The following SEC14L5 variants were observed in gnomAD, a reference collection of about 807,000 sequenced individuals.
The protein encoded by SEC14L5 is SEC14 like lipid binding 5.
In SEC14L5, 96 loss-of-function variants were observed where a neutral mutation model predicts 84.6. The ratio of observed to expected loss-of-function variants is 1.13; its 90% CI spans 0.96 to 1.34. The LOEUF (loss-of-function observed/expected upper bound fraction) is 1.34, where lower values mean the gene tolerates loss of function less well. Ranked by LOEUF, SEC14L5 falls within the 40% of genes most tolerant of loss-of-function variation. The probability of loss-of-function intolerance (pLI) is 0.00; values close to 1 mark genes in which losing one functional copy is unlikely to be tolerated. For missense variants in SEC14L5, 1,224 were observed against 942.5 expected (o/e 1.30, Z -3.91); for synonymous variants, 546 against 383.4 (o/e 1.42, Z -4.95).
At chr16:5,001,133 C>T (rs1409329980) in intron 10 of SEC14L5, among the ~76,000 whole-genome samples, 1 of 152,054 alleles carries the variant, frequency 6.6e-6, no homozygotes, top group Non-Finnish European at 1.5e-5. Context: ...GAATGGTGGC[C>T]CCCATCGAAG....
chr16:4,975,448 G>A (rs532799200), intron 2 of SEC14L5, among the ~76,000 whole-genome samples: 7 of 145,418 alleles, frequency 4.8e-5, no homozygotes, highest in Non-Finnish European at 7.5e-5. Flanking sequence ...ACTCCAGCCC[G>A]GGTGACAGAG....
rs1343669870 is a variant in SEC14L5 at position 5,007,393 on chromosome 16, C to T, written c.1479C>T (p.Tyr493=). ...GAGGGCTGGTCCCCAAGTCCCTCTACATGACAGAAGAGGAGCAGGAGCACA... is the reference window on the plus strand; with the variant it reads ...GAGGGCTGGTCCCCAAGTCCCTCTATATGACAGAAGAGGAGCAGGAGCACA... The part of the protein sequence containing the change: ...PEGGLVPKSL[Y]MTEEEQEHTD... The change falls in exon 13 of 16, where the codon TAC becomes TAT. Residue 493 remains tyrosine, a synonymous_variant. Transcript: ENST00000251170. The T allele has an allele frequency of 1.9e-6, 3 of 1,613,852 alleles. No homozygotes were observed. The highest frequency in any genetic ancestry group is 3.3e-5 in the Admixed American group (2 of 60,020).
At chr16:4,988,701 G>A (rs1026579275) in intron 4 of SEC14L5, among the ~76,000 whole-genome samples, 1 of 152,078 alleles carries the variant, frequency 6.6e-6, no homozygotes, top group Non-Finnish European at 1.5e-5. Flanking sequence ...AGTATGTGGC[G>A]CCTTTAGACC....
At chr16:4,965,420 A>G (rs899030590) in intron 2 of SEC14L5, among the ~76,000 whole-genome samples, 8 of 151,922 alleles carry the variant, frequency 5.3e-5, no homozygotes, top group African/African-American at 1.2e-4. Flanking sequence ...CCAGCACTTT[A>G]GGAGGCCGAG....
intron 10 of SEC14L5, 103 bp downstream of exon 10, chr16:5,001,028 C>A: frequency 1.1e-6 from 1 of 880,960 alleles, no homozygotes; most frequent in Non-Finnish European, 1.8e-6. Flanking sequence ...GTGCCAGGGG[C>A]TTCATTCTCC....
intron 2 of SEC14L5, among the ~76,000 whole-genome samples, chr16:4,984,530 A>G (rs756600794): frequency 1.3e-5 from 2 of 152,044 alleles, no homozygotes; most frequent in East Asian, 3.8e-4. Context: ...TTATGTTTTC[A>G]TTTCTCTTGG....
In SEC14L5 at chr16:5,011,380, T is replaced by G. The variant is rs963608020; in HGVS notation, c.1979+107T>G. The G allele has an allele frequency of 1.1e-5, 13 of 1,169,152 alleles. No individual in the cohort carries two copies. The African/African-American group carries it at 1.7e-4, about 15-fold the overall frequency. 72.4% of individuals were successfully genotyped at this position (1,169,152 alleles called of 1,614,324 possible). ...CCAGCTGGGTCAGCTTCTCCCGGGG[T>G]GGGACCCCAGCATGGGTATGGTTGG... On this transcript the variant is annotated intron_variant, in intron 15 of 15. Coordinates refer to ENST00000251170, the MANE Select transcript of SEC14L5 (RefSeq NM_014692.2).
intron 2 of SEC14L5, among the ~76,000 whole-genome samples, chr16:4,961,603 A>C (rs1955122037): frequency 6.6e-6 from 1 of 152,204 alleles, no homozygotes; most frequent in Admixed American, 6.5e-5. Flanking sequence ...TGCTGGGATT[A>C]CAGGGGTGAC....
chr16:4,991,544 C>T (rs1388650363), intron 5 of SEC14L5, among the ~76,000 whole-genome samples: 1 of 151,868 alleles, frequency 6.6e-6, no homozygotes, highest in Non-Finnish European at 1.5e-5. Context: ...CCAGCCTGGG[C>T]AACACAGCAA....
At chr16:5,005,739 C>G (rs1352474597) in intron 11 of SEC14L5, among the ~76,000 whole-genome samples, 175 bp from the exon 12 acceptor site, 1 of 151,376 alleles carries the variant, frequency 6.6e-6, no homozygotes, top group Non-Finnish European at 1.5e-5. Flanking sequence ...TGGTGGGTGC[C>G]TGTAGTCCCA....
At chr16:4,967,175 G>A (rs1344395437) in intron 2 of SEC14L5, among the ~76,000 whole-genome samples, 1 of 152,180 alleles carries the variant, frequency 6.6e-6, no homozygotes, top group Admixed American at 6.5e-5. Flanking sequence ...AATTCAAGGT[G>A]TGGGCAGGCC....
At chr16:4,991,697 C>T (rs1002278007) in intron 5 of SEC14L5, 141 bp from the exon 6 acceptor site, 8 of 525,942 alleles carry the variant, frequency 1.5e-5, no homozygotes, top group East Asian at 6.5e-5. Flanking sequence ...CTCTCCATCC[C>T]GACCAGACAC....
chr16:4,980,338 A>G (rs535515631), intron 2 of SEC14L5, among the ~76,000 whole-genome samples: 5 of 152,144 alleles, frequency 3.3e-5, no homozygotes, highest in Non-Finnish European at 7.3e-5. Flanking sequence ...TGGGAGAAGT[A>G]CCTTCCTTTC....
chr16:5,008,490 G>A lies in SEC14L5; in HGVS notation c.1642G>A (p.Val548Met), dbSNP rs1955759539. Residue 548 changes from valine (V) to methionine (M), a missense_variant, in exon 14 of 16, where the codon GTG (valine) becomes ATG (methionine). Transcript: ENST00000251170. ...WDFDILRGDV[V>M]FSLYHTKQAP... ...CTTTGACATCCTGCGAGGGGACGTG[G>A]TGTTCAGCCTGTACCACACCAAGCA... 2 of 1,613,548 alleles carry A rather than the reference G, an allele frequency of 1.2e-6. No homozygotes were observed. Among genetic ancestry groups the A allele is most frequent in the Admixed American group, 1.7e-5 (1 of 59,986 alleles).
At chr16:4,982,446 G>T (rs1363209743) in intron 2 of SEC14L5, among the ~76,000 whole-genome samples, 1 of 152,122 alleles carries the variant, frequency 6.6e-6, no homozygotes, top group African/African-American at 2.4e-5. Context: ...ACGGACCCTT[G>T]CCCTCCCTGA....
In SEC14L5 at chr16:5,007,380, C is replaced by G; in HGVS notation, c.1466C>G (p.Pro489Arg). Residue 489 changes from proline (P) to arginine (R), a missense_variant, in exon 13 of 16, where the codon CCC becomes CGC. By Grantham distance (103) the Pro-to-Arg change is moderately radical. Coordinates refer to ENST00000251170, the MANE Select transcript of SEC14L5 (RefSeq NM_014692.2). ...VCNVPEGGLV[P>R]KSLYMTEEEQ... ...AATGTCCCCGAAGGAGGGCTGGTCC[C>G]CAAGTCCCTCTACATGACAGAAGAG... The G allele has an allele frequency of 6.2e-7, 1 of 1,613,826 alleles. No homozygotes were observed. Among genetic ancestry groups the G allele is most frequent in the Non-Finnish European group, 8.5e-7 (1 of 1,179,822 alleles).
At position 4,997,457 on chromosome 16, in the gene SEC14L5, T is replaced by A. The variant is rs1403245801; in HGVS notation, c.970+413T>A. 2.0e-5 allele frequency among the ~76,000 whole-genome samples: 3 copies of A among 152,192 alleles called. No homozygotes were observed. In the East Asian group the frequency reaches 5.8e-4, roughly 29 times the overall value. On this transcript the variant is annotated intron_variant, in intron 8 of 15. Transcript: ENST00000251170. ...ACATCTTACTATTTTTCCTTTTGACTCTTCCAGGCATCTAGAAATGCTTTG... is the reference window on the plus strand; with the variant it reads ...ACATCTTACTATTTTTCCTTTTGACACTTCCAGGCATCTAGAAATGCTTTG...
At chr16:4,970,225 G>A (rs950583458) in intron 2 of SEC14L5, among the ~76,000 whole-genome samples, 5 of 152,140 alleles carry the variant, frequency 3.3e-5, no homozygotes, top group Admixed American at 3.3e-4. Context: ...GGAAAAACAG[G>A]GCATTGTAGG....
chr16:4,992,094 G>T (rs1955559346), intron 6 of SEC14L5, 64 bp downstream of exon 6: 18 of 1,151,524 alleles, frequency 1.6e-5, no homozygotes, highest in Non-Finnish European at 2.1e-5. Flanking sequence ...TGCTCCATGG[G>T]GGGCCCTGGG....
Sources: allele counts gnomAD v4.1 joint callset (sites outside exome capture counted in the v4.1 genomes callset), GRCh38; gene constraint gnomAD v4.1.1; transcripts MANE v1.5; gene names NCBI Gene and HGNC (gene_info 2026-07-23, HGNC 2026-07-21).